The following PTPRT variants were observed in gnomAD, a reference collection of about 807,000 sequenced individuals.
The protein encoded by PTPRT is protein tyrosine phosphatase receptor type T.
A neutral mutation model predicts 176.8 loss-of-function variants in PTPRT; 56 were observed. The ratio of observed to expected loss-of-function variants is 0.32; its 90% confidence interval spans 0.26 to 0.40. The LOEUF (loss-of-function observed/expected upper bound fraction) is 0.40. PTPRT is among the 10% of genes least tolerant of loss of function. The probability of loss-of-function intolerance (pLI) is 1.00; values close to 1 mark genes in which losing one functional copy is unlikely to be tolerated. For synonymous variants in PTPRT, 783 were observed against 739.0 expected (o/e 1.06, Z -0.96); for missense variants, 1,540 against 1,908.2 (o/e 0.81, Z 3.60).
chr20:42,454,085 T>C (rs1238965539), intron 8 of PTPRT, among the ~76,000 whole-genome samples: 1 of 152,176 alleles, frequency 6.6e-6, no homozygotes, highest in Non-Finnish European at 1.5e-5. Flanking sequence ...ATTTAGTTTT[T>C]CTTGGTTTCT....
the PTPRT span, among the ~76,000 whole-genome samples, chr20:42,038,592 C>A: frequency 1.3e-5 from 2 of 152,112 alleles, no homozygotes; most frequent in Admixed American, 1.3e-4. Flanking sequence ...GGATGCAGTC[C>A]CTGGTTCTAT....
At chr20:42,244,476 G>T (rs982163037) in intron 14 of PTPRT, among the ~76,000 whole-genome samples, 4 of 152,150 alleles carry the variant, frequency 2.6e-5, no homozygotes, top group Non-Finnish European at 5.9e-5. Flanking sequence ...ACCATGGATG[G>T]TACCAACTTT....
rs1320077280 is a variant in PTPRT at position 42,099,558 on chromosome 20, GGGT to G, written c.3715-1009_3715-1007del. On this transcript the variant is annotated intron_variant, in intron 26 of 30. Coordinates refer to ENST00000373187, the MANE Select transcript of PTPRT (RefSeq NM_007050.6). ...AAAATGGCCTGGGCGGGGGGGGGGG[GGGT>G]GGGGTGGTCTGGCAGCTTCATCCAG... is the stretch of plus-strand genomic sequence containing the variant. Among the ~76,000 whole-genome samples the G allele has an allele frequency of 8.3e-4, 33 of 39,618 alleles. 1 individual carries two copies. The highest frequency in any genetic ancestry group is 1.2e-3 in the Non-Finnish European group (19 of 16,286). The allele number at this position is 39,618 out of a possible 152,430, so 26.0% of individuals were successfully genotyped here. A position where few individuals can be genotyped will look rare whatever the true frequency, so the allele number is the denominator to read the frequency against.
At chr20:42,622,150 G>A (rs1467550532) in intron 7 of PTPRT, among the ~76,000 whole-genome samples, 5 of 152,274 alleles carry the variant, frequency 3.3e-5, no homozygotes, top group South Asian at 2.1e-4. Context: ...CAGTGTCCTG[G>A]CATATGGAGA....
rs1982726919 is a variant in PTPRT, at chr20:42,075,938, C to T, written c.*4941G>A. 4.6e-6 allele frequency: 1 copy of T among 217,248 alleles called. No homozygotes were observed. The highest frequency in any genetic ancestry group is 9.3e-6 in the Non-Finnish European group (1 of 108,030). The allele number at this position is 217,248 out of a possible 1,614,324, so 13.5% of individuals were successfully genotyped here. A position where few individuals can be genotyped will look rare whatever the true frequency, so the allele number is the denominator to read the frequency against. ...TCTCCAGCTATGTCACAGAAGTGAC[C>T]ATTTTGCTAAATAAGTCATCTGCAT... On this transcript the variant is annotated 3_prime_UTR_variant, in exon 31 of 31. Transcript: ENST00000373187.
chr20:42,987,966 A>G (rs1194683016), intron 1 of PTPRT, among the ~76,000 whole-genome samples: 1 of 152,134 alleles, frequency 6.6e-6, no homozygotes, highest in Non-Finnish European at 1.5e-5. Flanking sequence ...CCCTCTGAGC[A>G]AGGGATCCCA....
At chr20:42,799,734 G>A (rs888464958) in intron 2 of PTPRT, among the ~76,000 whole-genome samples, 1 of 152,184 alleles carries the variant, frequency 6.6e-6, no homozygotes, top group African/African-American at 2.4e-5. Context: ...CTCTTCCTAT[G>A]CACCCATTTT....
intron 1 of PTPRT, among the ~76,000 whole-genome samples, chr20:43,077,333 G>A (rs897018106): frequency 5.3e-5 from 8 of 152,190 alleles, no homozygotes; most frequent in African/African-American, 1.9e-4. Context: ...CACAGCTCAT[G>A]AAGTGACAAA....
At chr20:43,160,149 C>T (rs959716450) in intron 1 of PTPRT, among the ~76,000 whole-genome samples, 1 of 152,154 alleles carries the variant, frequency 6.6e-6, no homozygotes, top group African/African-American at 2.4e-5. Flanking sequence ...AAGAAGCCAC[C>T]AGAATACCAA....
At chr20:42,208,679 C>T (rs2055536899) in intron 15 of PTPRT, among the ~76,000 whole-genome samples, 1 of 151,866 alleles carries the variant, frequency 6.6e-6, no homozygotes. Flanking sequence ...ACTTAGACTC[C>T]CACACATTAA....
chr20:42,943,324 C>T (rs1980681924), intron 1 of PTPRT, among the ~76,000 whole-genome samples: 1 of 152,210 alleles, frequency 6.6e-6, no homozygotes, highest in Non-Finnish European at 1.5e-5. Flanking sequence ...GACCCATCCG[C>T]TCTAAAGCCA....
At chr20:43,161,308 T>G (rs1427277683) in intron 1 of PTPRT, among the ~76,000 whole-genome samples, 1 of 152,106 alleles carries the variant, frequency 6.6e-6, no homozygotes, top group African/African-American at 2.4e-5. Flanking sequence ...GGCAAACATG[T>G]AAATGAGTTT....
chr20:42,341,326 C>T (rs867444077), intron 11 of PTPRT, among the ~76,000 whole-genome samples: 1 of 152,070 alleles, frequency 6.6e-6, no homozygotes, highest in African/African-American at 2.4e-5. Flanking sequence ...TTGACATTAT[C>T]CATCATCTTC....
At chr20:42,646,466 C>G (rs929613291) in intron 7 of PTPRT, among the ~76,000 whole-genome samples, 3 of 152,142 alleles carry the variant, frequency 2.0e-5, no homozygotes, top group African/African-American at 7.2e-5. Context: ...AGTATTTACT[C>G]TGGCCCTTGA....
rs79401829 is a variant in PTPRT, at chr20:42,824,239, A to T, written c.215-32773T>A. Among the ~76,000 whole-genome samples, 1,296 of 152,270 alleles carry T rather than the reference A, an allele frequency of 8.5e-3. 28 individuals carry two copies. The highest frequency in any genetic ancestry group is 0.029 in the African/African-American group (1,205 of 41,578). On this transcript the variant is annotated intron_variant, in intron 2 of 30. Transcript: ENST00000373187. ...TTCAATTCGAATAAAACCCAAGAGGAGTTTTCTGGAACTTGGCAAAATAAT... is the reference window on the plus strand; with the variant it reads ...TTCAATTCGAATAAAACCCAAGAGGTGTTTTCTGGAACTTGGCAAAATAAT...
At chr20:42,045,919 G>C in the PTPRT span, among the ~76,000 whole-genome samples, 1 of 152,256 alleles carries the variant, frequency 6.6e-6, no homozygotes, top group East Asian at 1.9e-4. Flanking sequence ...CTAGTTACAT[G>C]CTCAGTCTAT....
chr20:42,601,947 C>A (rs2145792699), intron 7 of PTPRT, among the ~76,000 whole-genome samples: 1 of 152,146 alleles, frequency 6.6e-6, no homozygotes, highest in Non-Finnish European at 1.5e-5. Flanking sequence ...CACCAGGTGC[C>A]CTGGGTGTGA....
At position 43,021,766 on chromosome 20, in the gene PTPRT, G is replaced by A. The variant is rs554794262; in HGVS notation, c.89-135834C>T. Among the ~76,000 whole-genome samples the A allele has an allele frequency of 2.7e-5, 4 of 148,196 alleles. No individual in the cohort carries two copies. In the South Asian group the frequency reaches 6.4e-4, roughly 24 times the overall value. On this transcript the variant is annotated intron_variant, in intron 1 of 30. Transcript: ENST00000373187. ...AAACCAAATTAAATTAACCTGACCT[G>A]AATGAATTAGGGTTTTATTTTTCTC...
the PTPRT span, among the ~76,000 whole-genome samples, chr20:42,051,932 G>C: frequency 1.3e-5 from 2 of 152,300 alleles, no homozygotes; most frequent in East Asian, 3.9e-4. Context: ...TTTAGCTCCT[G>C]ATGAACCTGT....
Sources: gnomAD v4.1 joint callset for allele counts (sites outside exome capture counted in the v4.1 genomes callset) on GRCh38, gnomAD v4.1.1 for gene constraint, MANE v1.5 for transcripts, NCBI Gene and HGNC (gene_info 2026-07-23, HGNC 2026-07-21) for gene names.